PDE4D: variants seen among roughly 807,000 people sequenced by gnomAD.
PDE4D encodes 3',5'-cyclic-AMP phosphodiesterase 4D.
A neutral mutation model predicts 87.4 loss-of-function variants in PDE4D; 24 were observed. The ratio of observed to expected loss-of-function variants is 0.27; its 90% CI spans 0.20 to 0.39. The LOEUF (loss-of-function observed/expected upper bound fraction) is 0.39, where lower values mean the gene tolerates loss of function less well. PDE4D is among the 10% of genes least tolerant of loss of function. The pLI, the probability that PDE4D is intolerant of heterozygous loss-of-function variation, is 1.00. For missense variants in PDE4D, 714 were observed against 1,041.0 expected (o/e 0.69, Z 4.32); for synonymous variants, 384 against 383.2 (o/e 1.00, Z -0.02).
At chr5:59,501,924 G>A (rs962870745) in intron 1 of PDE4D, among the ~76,000 whole-genome samples, 8 of 152,126 alleles carry the variant, frequency 5.3e-5, no homozygotes, top group African/African-American at 9.7e-5. Flanking sequence ...AGATGCATGA[G>A]AATGTTTATG....
intron 1 of PDE4D, among the ~76,000 whole-genome samples, chr5:59,794,895 C>T (rs1462754798): frequency 6.6e-6 from 1 of 152,138 alleles, no homozygotes; most frequent in Non-Finnish European, 1.5e-5. Context: ...CATGGCTCTT[C>T]TCCAGCCTGG....
At chr5:60,216,981 C>T (rs1202314513) in intron 1 of PDE4D, among the ~76,000 whole-genome samples, 1 of 152,042 alleles carries the variant, frequency 6.6e-6, no homozygotes, top group African/African-American at 2.4e-5. Context: ...ACATCATATA[C>T]ATTCTTCTCA....
chr5:59,415,574 A>T (rs1417240968), intron 1 of PDE4D, among the ~76,000 whole-genome samples: 2 of 152,218 alleles, frequency 1.3e-5, no homozygotes, highest in Non-Finnish European at 2.9e-5. Flanking sequence ...CTATATTTGG[A>T]ACAACTTGGG....
At chr5:59,060,705 A>T (rs1763001127) in intron 5 of PDE4D, among the ~76,000 whole-genome samples, 1 of 152,116 alleles carries the variant, frequency 6.6e-6, no homozygotes, top group African/African-American at 2.4e-5. Context: ...TGAGACTTGG[A>T]TGTTGGATGA....
chr5:59,114,698 C>T (rs915629153), intron 5 of PDE4D, among the ~76,000 whole-genome samples: 6 of 151,962 alleles, frequency 3.9e-5, no homozygotes, highest in Non-Finnish European at 5.9e-5. Context: ...GAGTGTACGA[C>T]CTCATGCAAA....
At chr5:60,059,681 G>A (rs1356908653) in intron 2 of PDE4D, among the ~76,000 whole-genome samples, 1 of 151,914 alleles carries the variant, frequency 6.6e-6, no homozygotes, top group South Asian at 2.1e-4. Context: ...AAGGGTACAG[G>A]AGTGACATGG....
At chr5:59,655,463 T>C (rs942197967) in intron 1 of PDE4D, among the ~76,000 whole-genome samples, 1 of 152,222 alleles carries the variant, frequency 6.6e-6, no homozygotes, top group Admixed American at 6.5e-5. Context: ...GTTGGAAAAG[T>C]AATGCCACTA....
At chr5:58,990,766 C>A in intron 9 of PDE4D, 38 bp downstream of exon 9, 1 of 1,106,174 alleles carries the variant, frequency 9.0e-7, no homozygotes, top group Non-Finnish European at 1.3e-6. Flanking sequence ...CATTAAGTTC[C>A]TAAATAAAAT....
At chr5:59,918,641 G>A (rs992063032) in intron 3 of PDE4D, among the ~76,000 whole-genome samples, 1 of 152,170 alleles carries the variant, frequency 6.6e-6, no homozygotes, top group Non-Finnish European at 1.5e-5. Context: ...TCTATGGCGA[G>A]GGCAAGGTAG....
At chr5:59,191,627 G>C (rs1744334545) in intron 3 of PDE4D, among the ~76,000 whole-genome samples, 1 of 151,810 alleles carries the variant, frequency 6.6e-6, no homozygotes, top group Admixed American at 6.6e-5. Context: ...GGAGTGCAGT[G>C]GCATGATCTT....
intron 6 of PDE4D, among the ~76,000 whole-genome samples, chr5:59,010,397 TA>T (rs1752542731): frequency 2.0e-5 from 3 of 148,550 alleles, no homozygotes; most frequent in South Asian, 2.2e-4. Flanking sequence ...ATTATTATTT[TA>T]TTTTTTTTTA....
intron 11 of PDE4D, among the ~76,000 whole-genome samples, chr5:58,979,658 A>G (rs1473433860): frequency 1.3e-5 from 2 of 152,180 alleles, no homozygotes; most frequent in Non-Finnish European, 2.9e-5. Context: ...GTTAGCTTAT[A>G]TAACATTTTT....
chr5:59,771,654 A>G (rs968645457), intron 1 of PDE4D, among the ~76,000 whole-genome samples: 3 of 152,226 alleles, frequency 2.0e-5, no homozygotes, highest in Non-Finnish European at 2.9e-5. Flanking sequence ...GCTTACAAAG[A>G]GTAAACTATT....
intron 2 of PDE4D, among the ~76,000 whole-genome samples, chr5:60,164,272 A>G (rs1426295475): frequency 6.6e-6 from 1 of 152,206 alleles, no homozygotes; most frequent in African/African-American, 2.4e-5. Flanking sequence ...CCAAGGACAC[A>G]GAGTAAAGAA....
chr5:60,099,274 G>A (rs1030666439), intron 2 of PDE4D, among the ~76,000 whole-genome samples: 8 of 151,834 alleles, frequency 5.3e-5, no homozygotes, highest in African/African-American at 1.5e-4. Flanking sequence ...AATGTGTCTA[G>A]GAAAAGTATT....
At chr5:59,512,739 C>T (rs916055567) in intron 1 of PDE4D, among the ~76,000 whole-genome samples, 3 of 151,890 alleles carry the variant, frequency 2.0e-5, no homozygotes, top group Admixed American at 6.6e-5. Context: ...AATCAAGGAA[C>T]ATTTGTAAAA....
chr5:60,108,840 A>T (rs929930941), intron 2 of PDE4D, among the ~76,000 whole-genome samples: 4 of 152,064 alleles, frequency 2.6e-5, no homozygotes, highest in Non-Finnish European at 4.4e-5. Context: ...CCTTCCTTAC[A>T]CCTTATACAA....
At chr5:59,664,784 T>C (rs1289089693) in intron 1 of PDE4D, among the ~76,000 whole-genome samples, 2 of 152,198 alleles carry the variant, frequency 1.3e-5, no homozygotes, top group Admixed American at 1.3e-4. Context: ...AGTCTAACCT[T>C]TCTATACTTA....
chr5:60,432,948 TAAATGTA>T (rs1744472279), intron 1 of PDE4D, among the ~76,000 whole-genome samples: 1 of 152,206 alleles, frequency 6.6e-6, no homozygotes, highest in African/African-American at 2.4e-5. Flanking sequence ...ATTAGACACT[TAAATGTA>T]AAATGTAAAA....
Sources: allele counts gnomAD v4.1 joint callset (sites outside exome capture counted in the v4.1 genomes callset), GRCh38; gene constraint gnomAD v4.1.1; transcripts MANE v1.5; gene names NCBI Gene and HGNC (gene_info 2026-07-23, HGNC 2026-07-21).